JCAD: variants seen among roughly 807,000 people sequenced by gnomAD.
JCAD encodes junctional cadherin 5-associated protein.
Under a neutral mutation model 98.0 loss-of-function variants are expected in JCAD, and 40 were observed. The observed-to-expected ratio is 0.41, with a 90% CI of 0.32 to 0.53. The LOEUF (loss-of-function observed/expected upper bound fraction) is 0.53. JCAD is among the 20% of genes least tolerant of loss of function. The pLI is 0.31. For synonymous variants in JCAD, 691 were observed against 682.3 expected, an observed-to-expected ratio of 1.01 and a Z score of -0.20; for missense variants, 1,705 against 1,738.1, an observed-to-expected ratio of 0.98 and a Z score of 0.34.
At chr10:30,094,090 A>G (rs1190596768) in intron 1 of JCAD, among the ~76,000 whole-genome samples, 1 of 152,136 alleles carries the variant, frequency 6.6e-6, no homozygotes, top group Non-Finnish European at 1.5e-5. Flanking sequence ...GATAAAGGGA[A>G]ATCATTAGGA....
chr10:30,078,393 G>A (rs1423710163), intron 1 of JCAD, among the ~76,000 whole-genome samples: 1 of 152,070 alleles, frequency 6.6e-6, no homozygotes, highest in African/African-American at 2.4e-5. Context: ...CAGGATGAAG[G>A]GTTTCTTTCT....
Position 30,026,376 on chromosome 10 carries a change from G to C in JCAD, c.3772C>G (p.Arg1258Gly), listed in dbSNP as rs771848914. The change falls in exon 3 of 4, where the codon CGC becomes GGC. Residue 1258 changes from arginine to glycine, a missense_variant. Physicochemically the swap from Arg to Gly is moderately radical, Grantham distance 125. Transcript: ENST00000375377. Reference sequence around the variant, plus strand: ...CTCACCTCTTTCATTCTCATCAGGCGGTCAGGGTCTGCTCTCCTAGGCGGG... The same window carrying C: ...CTCACCTCTTTCATTCTCATCAGGCCGTCAGGGTCTGCTCTCCTAGGCGGG... ...ASPPRRADPD[R>G]LMRMKEVSSV... 1 of 1,614,196 alleles carries C rather than the reference G, an allele frequency of 6.2e-7. No individual in the cohort carries two copies. The highest frequency in any genetic ancestry group is 1.7e-5 in the Admixed American group (1 of 60,030).
Position 30,027,820 on chromosome 10 carries a change from C to T in JCAD, c.2328G>A (p.Thr776=), listed in dbSNP as rs1307596072. The T allele has an allele frequency of 2.5e-6, 4 of 1,614,150 alleles. No individual in the cohort carries two copies. The highest frequency in any genetic ancestry group is 3.4e-6 in the Non-Finnish European group (4 of 1,180,054). ...RTSLSVDQAP[T]PKAGRSQPCV... ...AGGGCTGACTTCGGCCTGCTTTTGG[C>T]GTCGGTGCCTGGTCCACGGACAAGG... The change falls in exon 3 of 4, where the codon ACG becomes ACA. Residue 776 remains threonine (T), a synonymous_variant. Coordinates refer to ENST00000375377, the MANE Select transcript of JCAD (RefSeq NM_020848.4).
chr10:30,101,242 A>T (rs549951567), intron 1 of JCAD, among the ~76,000 whole-genome samples: 97 of 152,116 alleles, frequency 6.4e-4, no homozygotes, highest in Non-Finnish European at 1.3e-3. Context: ...CCCTGTCTCT[A>T]CTAAAAATAC....
chr10:30,054,761 T>C (rs952503874), intron 1 of JCAD, among the ~76,000 whole-genome samples: 2 of 150,818 alleles, frequency 1.3e-5, no homozygotes, highest in Non-Finnish European at 3.0e-5. Flanking sequence ...CTCCGCCCCC[T>C]GGGGTTCACG....
At chr10:30,109,548 C>A (rs2132718910) in intron 1 of JCAD, among the ~76,000 whole-genome samples, 1 of 152,222 alleles carries the variant, frequency 6.6e-6, no homozygotes, top group Non-Finnish European at 1.5e-5. Context: ...TCCTGTCTGT[C>A]CCTGTCACTC....
intron 3 of JCAD, among the ~76,000 whole-genome samples, chr10:30,018,186 C>G (rs547154031): frequency 2.3e-4 from 35 of 152,250 alleles, no homozygotes; most frequent in African/African-American, 7.9e-4. Flanking sequence ...TCCTGTTCAC[C>G]GTGGAATATA....
chr10:30,086,439 C>T (rs1406227499), intron 1 of JCAD, among the ~76,000 whole-genome samples: 4 of 152,168 alleles, frequency 2.6e-5, no homozygotes, highest in Admixed American at 1.3e-4. Context: ...TTTGCAGCTG[C>T]CTACAGGATG....
At chr10:30,061,082 C>T (rs374993959), upstream of JCAD, among the ~76,000 whole-genome samples, 4 of 152,118 alleles carry the variant, frequency 2.6e-5, no homozygotes, top group African/African-American at 7.2e-5. Flanking sequence ...GCTCAGGTCC[C>T]GGGCTTGGCT....
chr10:30,040,028 T>C (rs1352530190), intron 2 of JCAD, among the ~76,000 whole-genome samples: 1 of 152,256 alleles, frequency 6.6e-6, no homozygotes, highest in East Asian at 1.9e-4. Flanking sequence ...GTAGGTTATC[T>C]TGAAGCTCTG....
chr10:30,096,761 G>A (rs746935440), intron 1 of JCAD, among the ~76,000 whole-genome samples: 1 of 152,056 alleles, frequency 6.6e-6, no homozygotes, highest in Non-Finnish European at 1.5e-5. Flanking sequence ...AAGGCTGCAC[G>A]ACACGTGTGT....
intron 1 of JCAD, among the ~76,000 whole-genome samples, chr10:30,092,113 TATATATATATATAA>T (rs1336890981): frequency 1.8e-5 from 2 of 110,128 alleles, no homozygotes; most frequent in African/African-American, 4.1e-5. Context: ...TATATATATA[TATATATATATATAA>T]AAAACATTTT....
intron 2 of JCAD, among the ~76,000 whole-genome samples, chr10:30,039,500 C>G (rs2132633499): frequency 6.6e-6 from 1 of 152,240 alleles, no homozygotes; most frequent in South Asian, 2.1e-4. Context: ...ATAATACCTT[C>G]AAAGTGTTAT....
chr10:30,103,371 T>C (rs2132710552), intron 1 of JCAD, among the ~76,000 whole-genome samples: 1 of 152,224 alleles, frequency 6.6e-6, no homozygotes, highest in Non-Finnish European at 1.5e-5. Context: ...AAATTAAAAG[T>C]AGAATTATCA....
chr10:30,077,037 G>A (rs1365231170), intron 1 of JCAD, among the ~76,000 whole-genome samples: 2 of 152,122 alleles, frequency 1.3e-5, no homozygotes, highest in Non-Finnish European at 2.9e-5. Context: ...AAGACATTCG[G>A]AATTGCAGAG....
At position 30,047,712 on chromosome 10, in the gene JCAD, C is replaced by A. The variant is rs1837378271; in HGVS notation, c.101G>T (p.Arg34Met). The part of the protein sequence containing the change: ...EDNPKGRQAA[R>M]TGTRAGQGLQ... ...GCCCTGGCCTGCTCGTGTCCCAGTC[C>A]TCGCTGCCTGGCGCCCCTTGGGGTT... is the stretch of plus-strand genomic sequence containing the variant. The change falls in exon 2 of 4, where the codon AGG (arginine) becomes ATG (methionine). Residue 34 changes from arginine (R) to methionine (M), a missense_variant. Physicochemically the swap from Arg to Met is moderately conservative, Grantham distance 91 (BLOSUM62 -1). Around this residue, in one of 3 missense-constraint regions of JCAD, gnomAD observed 152 missense variants for 148.0 expected, o/e 1.03. Transcript: ENST00000375377. The A allele has an allele frequency of 1.2e-6, 2 of 1,614,262 alleles. No individual in the cohort carries two copies. The highest frequency in any genetic ancestry group is 8.5e-7 in the Non-Finnish European group (1 of 1,180,050).
chr10:30,012,983 A>G lies in JCAD; in HGVS notation c.*4900T>C, dbSNP rs1836450509. ...TGCTTCTCTCTTCCCTGTGCTCATT[A>G]TTCTTCATGCACCCTCACCTCTCAT... On this transcript the variant is annotated 3_prime_UTR_variant, in exon 4 of 4. Transcript: ENST00000375377. 1 of 152,216 alleles carries G rather than the reference A, an allele frequency of 6.6e-6. No homozygotes were observed. 9.4% of individuals were successfully genotyped at this position (152,216 alleles called of 1,614,324 possible).
chr10:30,077,410 G>A (rs1293145032), intron 1 of JCAD, among the ~76,000 whole-genome samples: 1 of 152,106 alleles, frequency 6.6e-6, no homozygotes, highest in Non-Finnish European at 1.5e-5. Context: ...CCAAGTAGCT[G>A]GGACTACAAG....
At chr10:30,082,991 A>T (rs2132685370) in intron 1 of JCAD, among the ~76,000 whole-genome samples, 1 of 152,022 alleles carries the variant, frequency 6.6e-6, no homozygotes, top group Middle Eastern at 3.4e-3. Flanking sequence ...CCAAGATTGC[A>T]CCACTGCACT....
Sources: gnomAD v4.1 joint callset for allele counts (sites outside exome capture counted in the v4.1 genomes callset) on GRCh38, gnomAD v4.1.1 for gene constraint, gnomAD v4.1.1 regional missense constraint, MANE v1.5 for transcripts, NCBI Gene and HGNC (gene_info 2026-07-23, HGNC 2026-07-21) for gene names.